RIMS2: variants seen among roughly 807,000 people sequenced by gnomAD.
RIMS2 encodes regulating synaptic membrane exocytosis 2.
RIMS2 carries 59 observed loss-of-function variants against 174.4 expected under a neutral mutation model. The observed-to-expected ratio is 0.34, with a 90% CI of 0.27 to 0.42. RIMS2 has a LOEUF of 0.42. RIMS2 is among the 10% of genes least tolerant of loss of function. RIMS2 has a pLI of 1.00. For synonymous variants in RIMS2, 606 were observed against 572.5 expected, an observed-to-expected ratio of 1.06 and a Z score of -0.84; for missense variants, 1,620 against 1,666.3, an observed-to-expected ratio of 0.97 and a Z score of 0.48.
intron 19 of RIMS2, among the ~76,000 whole-genome samples, chr8:104,148,341 AT>A (rs1276535504): frequency 1.3e-5 from 2 of 151,984 alleles, no homozygotes; most frequent in African/African-American, 2.4e-5. Context: ...TTTTTCATGA[AT>A]TTTTTTCCTG....
intron 3 of RIMS2, among the ~76,000 whole-genome samples, chr8:103,868,921 A>G (rs2099096537): frequency 6.6e-6 from 1 of 152,188 alleles, no homozygotes; most frequent in South Asian, 2.1e-4. Flanking sequence ...ATATATGTTA[A>G]GTATTTAACT....
chr8:103,575,972 C>A (rs999210690), intron 1 of RIMS2, among the ~76,000 whole-genome samples: 1 of 152,132 alleles, frequency 6.6e-6, no homozygotes, highest in African/African-American at 2.4e-5. Flanking sequence ...CCTGCCTCAA[C>A]CCAGGGGAAA....
At chr8:103,652,397 C>T (rs2096467034) in intron 1 of RIMS2, among the ~76,000 whole-genome samples, 160 bp downstream of exon 2, 1 of 152,182 alleles carries the variant, frequency 6.6e-6, no homozygotes, top group Admixed American at 6.5e-5. Context: ...CAGCTTCTTA[C>T]ATCACCCACA....
chr8:104,237,693 G>A (rs757358198), intron 19 of RIMS2, among the ~76,000 whole-genome samples: 43 of 151,970 alleles, frequency 2.8e-4, no homozygotes, highest in Non-Finnish European at 5.7e-4. Flanking sequence ...GTTAAAGTCC[G>A]AAACAATTTT....
At chr8:103,595,999 C>A (rs117441247) in intron 1 of RIMS2, among the ~76,000 whole-genome samples, 1 of 151,870 alleles carries the variant, frequency 6.6e-6, no homozygotes, top group African/African-American at 2.4e-5. Flanking sequence ...ATGGCTAATT[C>A]ATGGATTGTA....
At chr8:104,167,800 G>T (rs943559861) in intron 19 of RIMS2, among the ~76,000 whole-genome samples, 7 of 152,030 alleles carry the variant, frequency 4.6e-5, no homozygotes, top group African/African-American at 1.4e-4. Context: ...GAGTTTTTAT[G>T]GTTTCAGATC....
intron 1 of RIMS2, among the ~76,000 whole-genome samples, chr8:103,683,232 G>A (rs2096900944): frequency 6.6e-6 from 1 of 152,184 alleles, no homozygotes; most frequent in Non-Finnish European, 1.5e-5. Flanking sequence ...GCATCCGCTT[G>A]GCTTCTGGTG....
chr8:103,500,997 G>A, exon 1 of RIMS2: 2 of 1,611,814 alleles, frequency 1.2e-6, no homozygotes, highest in East Asian at 2.2e-5. Flanking sequence ...AGGAGGAGAG[G>A]AAAATCATCC....
chr8:103,790,777 T>G (rs1331754215), intron 3 of RIMS2, among the ~76,000 whole-genome samples: 2 of 152,208 alleles, frequency 1.3e-5, no homozygotes, highest in Non-Finnish European at 2.9e-5. Context: ...CCTTTCTTCT[T>G]CACTAAGATT....
chr8:103,520,768 C>CT, intron 1 of RIMS2, among the ~76,000 whole-genome samples: 1 of 152,042 alleles, frequency 6.6e-6, no homozygotes, highest in African/African-American at 2.4e-5. Flanking sequence ...TAATAGTATT[C>CT]TTAAGTTTAT....
intron 19 of RIMS2, among the ~76,000 whole-genome samples, chr8:104,183,998 T>C (rs1177297382): frequency 6.6e-6 from 1 of 151,566 alleles, no homozygotes; most frequent in Non-Finnish European, 1.5e-5. Flanking sequence ...GTTCCTTTAA[T>C]TGGTACTGAA....
chr8:103,867,020 T>C (rs2154506586), intron 3 of RIMS2, among the ~76,000 whole-genome samples: 1 of 152,100 alleles, frequency 6.6e-6, no homozygotes, highest in African/African-American at 2.4e-5. Flanking sequence ...GGAAGAATTA[T>C]TACATACACA....
intron 4 of RIMS2, among the ~76,000 whole-genome samples, chr8:103,899,294 C>T (rs2099313027): frequency 6.6e-6 from 1 of 151,798 alleles, no homozygotes; most frequent in South Asian, 2.1e-4. Flanking sequence ...GAGGAATCGC[C>T]ACACTGTCTT....
chr8:103,806,996 T>C (rs1283517961), intron 3 of RIMS2, among the ~76,000 whole-genome samples: 1 of 152,136 alleles, frequency 6.6e-6, no homozygotes, highest in Non-Finnish European at 1.5e-5. Flanking sequence ...CGTTTGGGGA[T>C]TCCAAATTGA....
At position 104,170,854 on chromosome 8, in the gene RIMS2, G is replaced by C. The variant is rs75912010; in HGVS notation, c.3335-74062G>C. Among the ~76,000 whole-genome samples the C allele has an allele frequency of 1.2e-3, 187 of 152,116 alleles. 1 individual carries two copies. In the East Asian group the frequency reaches 0.022, roughly 18 times the overall value. ...CATTTCTTGTCGTGCTAGTTTGACA[G>C]CAGCAAATCCCCTCAAGATTTGTCT... On this transcript the variant is annotated intron_variant, in intron 19 of 23. Transcript: ENST00000504942.
At chr8:103,874,958 T>TG (rs1565047216) in intron 3 of RIMS2, among the ~76,000 whole-genome samples, 4 of 152,038 alleles carry the variant, frequency 2.6e-5, no homozygotes, top group African/African-American at 9.7e-5. Context: ...ACCACACTTT[T>TG]TTTGTTTGTT....
chr8:103,737,175 C>CTTTTTTTTTTTTTTTTTTTTTT lies in RIMS2; in HGVS notation c.388-29047_388-29026dup, dbSNP rs554949027. Among the ~76,000 whole-genome samples the CTTTTTTTTTTTTTTTTTTTTTT allele has an allele frequency of 2.8e-4, 19 of 67,532 alleles. 1 individual carries two copies. Among genetic ancestry groups the CTTTTTTTTTTTTTTTTTTTTTT allele is most frequent in the Admixed American group, 6.5e-4 (3 of 4,598 alleles). The allele number at this position is 67,532 out of a possible 152,430, so 44.3% of individuals were successfully genotyped here. ...TCCTTTTCTTTTCTTTTTCTTTGTT[C>CTTTTTTTTTTTTTTTTTTTTTT]TTTTTTTTTTTTTTTTTTTTTTTTT... On this transcript the variant is annotated intron_variant, in intron 2 of 23. Transcript: ENST00000504942.
chr8:104,228,242 G>A (rs1411899221), intron 19 of RIMS2, among the ~76,000 whole-genome samples: 6 of 151,786 alleles, frequency 4.0e-5, no homozygotes, highest in South Asian at 2.1e-4. Context: ...GTTAGCCAGG[G>A]TGGTCTCAAT....
chr8:103,902,353 A>T (rs2073330103), intron 4 of RIMS2, among the ~76,000 whole-genome samples: 1 of 152,126 alleles, frequency 6.6e-6, no homozygotes, highest in African/African-American at 2.4e-5. Flanking sequence ...TGGGAGTAAG[A>T]TCCCATCACC....
Sources: allele counts gnomAD v4.1 joint callset (sites outside exome capture counted in the v4.1 genomes callset), GRCh38; gene constraint gnomAD v4.1.1; transcripts MANE v1.5; gene names NCBI Gene and HGNC (gene_info 2026-07-23, HGNC 2026-07-21).